Variants in FHIT observed in about 807,000 individuals in gnomAD.
FHIT encodes bis(5'-adenosyl)-triphosphatase.
In FHIT, 19 loss-of-function variants were observed where a neutral mutation model predicts 17.9. The observed-to-expected ratio is 1.06, with a 90% CI of 0.74 to 1.56. The LOEUF is 1.56. Ranked by LOEUF, FHIT falls within the 40% of genes most tolerant of loss-of-function variation. FHIT has a pLI of 0.00. For missense variants in FHIT, 248 were observed against 189.2 expected, an observed-to-expected ratio of 1.31 and a Z score of -1.82; for synonymous variants, 81 against 69.7, an observed-to-expected ratio of 1.16 and a Z score of -0.81.
At chr3:60,289,181 A>G (rs1433092909) in intron 5 of FHIT, among the ~76,000 whole-genome samples, 1 of 152,180 alleles carries the variant, frequency 6.6e-6, no homozygotes, top group African/African-American at 2.4e-5. Context: ...ATTCTCTACA[A>G]ATAATTTTCT....
chr3:60,974,460 A>G (rs912675815), intron 3 of FHIT, among the ~76,000 whole-genome samples: 1 of 152,170 alleles, frequency 6.6e-6, no homozygotes, highest in African/African-American at 2.4e-5. Flanking sequence ...TGGTAAAGGG[A>G]TAGAATGAAA....
chr3:60,994,719 G>A (rs1575811586), intron 3 of FHIT, among the ~76,000 whole-genome samples: 1 of 152,260 alleles, frequency 6.6e-6, no homozygotes, highest in East Asian at 1.9e-4. Flanking sequence ...GGGAATCTGA[G>A]CCTGGAGACC....
intron 8 of FHIT, among the ~76,000 whole-genome samples, chr3:59,761,005 G>A (rs935947879): frequency 1.1e-4 from 17 of 152,082 alleles, no homozygotes; most frequent in African/African-American, 2.4e-5. Flanking sequence ...CACAACATCA[G>A]GACAGCTGAA....
intron 5 of FHIT, among the ~76,000 whole-genome samples, chr3:60,191,483 G>A (rs915255173): frequency 5.9e-5 from 9 of 152,140 alleles, no homozygotes; most frequent in African/African-American, 1.7e-4. Flanking sequence ...CGAACATAAT[G>A]GCAGTGTACA....
chr3:60,755,726 C>T (rs2042558244), intron 4 of FHIT, among the ~76,000 whole-genome samples: 2 of 152,078 alleles, frequency 1.3e-5, no homozygotes, highest in South Asian at 2.1e-4. Flanking sequence ...GTAAAGAGGG[C>T]CTGAGATATT....
chr3:60,660,778 G>A (rs2040229547), intron 4 of FHIT, among the ~76,000 whole-genome samples: 1 of 67,014 alleles, frequency 1.5e-5, no homozygotes, highest in Non-Finnish European at 2.8e-5. Context: ...TCAGTGAAAT[G>A]TCTCTTCATG....
At chr3:61,090,875 T>C (rs190539807) in intron 2 of FHIT, among the ~76,000 whole-genome samples, 64 of 152,270 alleles carry the variant, frequency 4.2e-4, no homozygotes, top group African/African-American at 1.4e-3. Flanking sequence ...AGAGTAAAAA[T>C]TGATGACATC....
chr3:60,996,901 A>G (rs536853810), intron 3 of FHIT, among the ~76,000 whole-genome samples: 29 of 152,374 alleles, frequency 1.9e-4, no homozygotes, highest in African/African-American at 6.7e-4. Context: ...TGTGATCAAT[A>G]GTGTTTAGTA....
intron 7 of FHIT, among the ~76,000 whole-genome samples, chr3:59,960,833 C>T (rs576051030): frequency 2.0e-5 from 3 of 152,138 alleles, no homozygotes; most frequent in Non-Finnish European, 4.4e-5. Context: ...ATCCCTATAA[C>T]CACTCCAACT....
chr3:60,894,954 A>G (rs542800311), intron 3 of FHIT, among the ~76,000 whole-genome samples: 25 of 152,180 alleles, frequency 1.6e-4, no homozygotes, highest in Non-Finnish European at 2.6e-4. Flanking sequence ...CACACATACA[A>G]TGATCAAAAT....
intron 5 of FHIT, among the ~76,000 whole-genome samples, chr3:60,239,353 C>T (rs753517119): frequency 4.6e-5 from 7 of 151,816 alleles, no homozygotes; most frequent in Non-Finnish European, 1.0e-4. Context: ...TTGGGTGAGC[C>T]CAGGAATTTG....
chr3:60,672,157 T>C (rs1444991850), intron 4 of FHIT, among the ~76,000 whole-genome samples: 1 of 152,228 alleles, frequency 6.6e-6, no homozygotes, highest in Non-Finnish European at 1.5e-5. Context: ...TTAAAGTGCA[T>C]ATGTTGTAGT....
rs369221486 is a variant in FHIT at position 61,196,818 on chromosome 3, G to T, written c.-164+3799C>A. Among the ~76,000 whole-genome samples the T allele has an allele frequency of 2.8e-4, 42 of 152,330 alleles. No individual in the cohort carries two copies. The East Asian group carries it at 8.1e-3, about 29-fold the overall frequency. ...CCGGAACTGTGGCCTTCCTTAGAGG[G>T]ATACAGCCATTGCCAACCCACAATG... On this transcript the variant is annotated intron_variant, in intron 2 of 9. Coordinates refer to ENST00000492590, the MANE Select transcript of FHIT (RefSeq NM_002012.4).
intron 2 of FHIT, among the ~76,000 whole-genome samples, chr3:61,047,833 C>T (rs1321542896): frequency 7.4e-6 from 1 of 135,958 alleles, no homozygotes; most frequent in Middle Eastern, 3.4e-3. Context: ...ACATCTACAA[C>T]CATCTGATCT....
At chr3:60,739,889 C>T (rs1257127358) in intron 4 of FHIT, among the ~76,000 whole-genome samples, 2 of 152,144 alleles carry the variant, frequency 1.3e-5, no homozygotes, top group African/African-American at 2.4e-5. Flanking sequence ...CTATTATCTG[C>T]CATGTAGAAA....
intron 5 of FHIT, among the ~76,000 whole-genome samples, chr3:60,146,894 C>T (rs1700266069): frequency 6.6e-6 from 1 of 152,134 alleles, no homozygotes. Flanking sequence ...AAAATATGCT[C>T]TTGCAACATA....
intron 4 of FHIT, among the ~76,000 whole-genome samples, chr3:60,821,004 C>T (rs967263118): frequency 2.0e-5 from 3 of 150,706 alleles, no homozygotes; most frequent in Admixed American, 6.6e-5. Flanking sequence ...TTGGCAGGGT[C>T]TCACTCTGTC....
rs191585991 is a variant in FHIT at position 60,049,247 on chromosome 3, G to C, written c.104-35095C>G. 9.2e-5 allele frequency among the ~76,000 whole-genome samples: 14 copies of C among 152,136 alleles called. No individual in the cohort carries two copies. The East Asian group carries it at 2.5e-3, about 27-fold the overall frequency. ...TATTTGTTTACATCATTATGCTTTT[G>C]AAAACCACCAGAATATGTATGTGTA... On this transcript the variant is annotated intron_variant, in intron 5 of 9. Transcript: ENST00000492590.
intron 8 of FHIT, among the ~76,000 whole-genome samples, chr3:59,882,491 G>A (rs563265543): frequency 7.9e-5 from 12 of 152,216 alleles, no homozygotes; most frequent in Admixed American, 2.6e-4. Context: ...GTGGTAACTC[G>A]GTAGAGAAAT....
Sources: gnomAD v4.1 joint callset for allele counts (sites outside exome capture counted in the v4.1 genomes callset) on GRCh38, gnomAD v4.1.1 for gene constraint, MANE v1.5 for transcripts, NCBI Gene and HGNC (gene_info 2026-07-23, HGNC 2026-07-21) for gene names.